Variants in CAB39L observed in about 807,000 individuals in gnomAD.
CAB39L encodes calcium binding protein 39 like.
In CAB39L, 23 loss-of-function variants were observed where a neutral mutation model predicts 39.1. The observed-to-expected ratio is 0.59, with a 90% CI of 0.42 to 0.83. CAB39L has a LOEUF of 0.83. Ranked by LOEUF, CAB39L falls within the 40% of genes least tolerant of loss-of-function variation. CAB39L has a pLI of 0.00. For synonymous variants in CAB39L, 126 were observed against 137.2 expected, an observed-to-expected ratio of 0.92 and a Z score of 0.57; for missense variants, 366 against 391.9, an observed-to-expected ratio of 0.93 and a Z score of 0.56.
At chr13:49,404,767 C>T (rs1158146062) in intron 3 of CAB39L, among the ~76,000 whole-genome samples, 14 of 152,050 alleles carry the variant, frequency 9.2e-5, no homozygotes, top group Non-Finnish European at 1.5e-5. Context: ...AATTCTGGAG[C>T]TGAAAAATTT....
intron 10 of CAB39L, among the ~76,000 whole-genome samples, chr13:49,331,056 A>G (rs1457230271): frequency 1.3e-5 from 2 of 152,190 alleles, no homozygotes; most frequent in Non-Finnish European, 2.9e-5. Context: ...ACAGCTGTAG[A>G]AAAAACTCTG....
intron 5 of CAB39L, among the ~76,000 whole-genome samples, 196 bp from the exon 6 acceptor site, chr13:49,360,028 C>T (rs1955590456): frequency 6.6e-6 from 1 of 152,162 alleles, no homozygotes; most frequent in South Asian, 2.1e-4. Context: ...AAAATGGATG[C>T]AGCTCCTTGC....
intron 9 of CAB39L, 127 bp downstream of exon 9, chr13:49,339,550 A>G (rs1365391192): frequency 1.9e-6 from 2 of 1,049,000 alleles, no homozygotes; most frequent in African/African-American, 3.3e-5. Flanking sequence ...TATAGTAAAT[A>G]CTTCTCAAGT....
chr13:49,354,319 G>A (rs992286470), intron 6 of CAB39L, among the ~76,000 whole-genome samples: 4 of 152,106 alleles, frequency 2.6e-5, no homozygotes, highest in African/African-American at 9.7e-5. Flanking sequence ...GATATATAGG[G>A]AATTCTAATT....
rs186503583 is a variant in CAB39L at position 49,339,532 on chromosome 13, A to C, written c.690+145T>G. On this transcript the variant is annotated intron_variant, in intron 9 of 10. Transcript: ENST00000409308. ...TATTTTGCTATAAAATACAGTCATA[A>C]CATAAAATATAGTAAATACTTCTCA... is the stretch of plus-strand genomic sequence containing the variant. The C allele has an allele frequency of 3.2e-3, 3,045 of 939,022 alleles. 8 individuals are homozygous for C. Among genetic ancestry groups the C allele is most frequent in the Non-Finnish European group, 3.6e-3 (2,529 of 709,518 alleles). 58.2% of individuals were successfully genotyped at this position (939,022 alleles called of 1,614,324 possible). A position where few individuals can be genotyped will look rare whatever the true frequency, so the allele number is the denominator to read the frequency against.
intron 10 of CAB39L, among the ~76,000 whole-genome samples, chr13:49,314,447 C>T (rs1192087185): frequency 2.6e-5 from 4 of 152,032 alleles, no homozygotes; most frequent in African/African-American, 4.8e-5. Context: ...TTCAAGGCCT[C>T]GTCACTGCCC....
At chr13:49,374,105 T>C (rs1175068731) in intron 5 of CAB39L, among the ~76,000 whole-genome samples, 10 of 152,232 alleles carry the variant, frequency 6.6e-5, no homozygotes, top group African/African-American at 2.4e-4. Flanking sequence ...CCAGGAAGTA[T>C]ATATTTTTCT....
At chr13:49,340,276 A>C (rs919755841) in intron 8 of CAB39L, among the ~76,000 whole-genome samples, 1 of 152,128 alleles carries the variant, frequency 6.6e-6, no homozygotes, top group Non-Finnish European at 1.5e-5. Flanking sequence ...CTTTCCTAAC[A>C]TGGTCACCAA....
At chr13:49,403,351 A>T (rs1404444911) in intron 3 of CAB39L, among the ~76,000 whole-genome samples, 1 of 152,102 alleles carries the variant, frequency 6.6e-6, no homozygotes. Context: ...ACTTCCAAAT[A>T]ACTGCAACCC....
At chr13:49,432,204 G>C (rs1280947226) in intron 3 of CAB39L, among the ~76,000 whole-genome samples, 1 of 152,024 alleles carries the variant, frequency 6.6e-6, no homozygotes, top group Admixed American at 6.5e-5. Context: ...GCCCAGGCTG[G>C]AGTGCAGTGG....
intron 3 of CAB39L, among the ~76,000 whole-genome samples, chr13:49,406,167 C>T (rs9535225): frequency 0.42 from 60,810 of 144,772 alleles, 13,117 homozygotes; most frequent in Middle Eastern, 0.52. Flanking sequence ...AATTGGAATG[C>T]TCTTTTTTTT....
At chr13:49,404,840 G>A (rs564091821) in intron 3 of CAB39L, among the ~76,000 whole-genome samples, 35 of 151,096 alleles carry the variant, frequency 2.3e-4, no homozygotes, top group African/African-American at 8.6e-4. Context: ...GCAGCAGAAA[G>A]AATTAGTGAG....
chr13:49,379,084 C>A (rs1446488218), intron 4 of CAB39L, among the ~76,000 whole-genome samples: 1 of 52,936 alleles, frequency 1.9e-5, no homozygotes, highest in Non-Finnish European at 3.8e-5. Flanking sequence ...GGGGTCAGCC[C>A]CCCCGCCCGG....
chr13:49,443,106 G>A (rs1594113124), intron 1 of CAB39L, among the ~76,000 whole-genome samples: 1 of 150,154 alleles, frequency 6.7e-6, no homozygotes, highest in East Asian at 2.0e-4. Context: ...AAAAAAGGAG[G>A]AGGGAAACAA....
chr13:49,424,617 A>G (rs556465140), intron 3 of CAB39L, among the ~76,000 whole-genome samples: 3 of 152,238 alleles, frequency 2.0e-5, no homozygotes, highest in Non-Finnish European at 2.9e-5. Context: ...GTTAATATGT[A>G]ACAGTTAATA....
chr13:49,329,312 A>C (rs533232305), intron 10 of CAB39L, among the ~76,000 whole-genome samples: 1 of 152,130 alleles, frequency 6.6e-6, no homozygotes, highest in African/African-American at 2.4e-5. Context: ...TCAGCTTGTC[A>C]AGTTCCAGGG....
intron 3 of CAB39L, among the ~76,000 whole-genome samples, chr13:49,407,050 T>C (rs542682082): frequency 3.5e-4 from 54 of 152,336 alleles, no homozygotes; most frequent in African/African-American, 1.3e-3. Flanking sequence ...TAAAACAAGA[T>C]TTCAATTTCT....
At chr13:49,387,896 G>A (rs574832728) in intron 3 of CAB39L, among the ~76,000 whole-genome samples, 113 of 152,232 alleles carry the variant, frequency 7.4e-4, no homozygotes, top group African/African-American at 2.6e-3. Context: ...AAATGGGTCT[G>A]GGGCAACTTC....
chr13:49,411,839 C>T (rs1166384616), intron 3 of CAB39L, among the ~76,000 whole-genome samples: 1 of 152,168 alleles, frequency 6.6e-6, no homozygotes, highest in East Asian at 1.9e-4. Context: ...GCTCATGGAA[C>T]ACAGGGCATA....
Sources: gnomAD v4.1 joint callset for allele counts (sites outside exome capture counted in the v4.1 genomes callset) on GRCh38, gnomAD v4.1.1 for gene constraint, MANE v1.5 for transcripts, NCBI Gene and HGNC (gene_info 2026-07-23, HGNC 2026-07-21) for gene names.